The following TRIM29 variants were observed in gnomAD, a reference collection of about 807,000 sequenced individuals.
TRIM29 encodes the protein tripartite motif containing 29, also known as tripartite motif-containing protein 29.
In TRIM29, 52 loss-of-function variants were observed where a neutral mutation model predicts 57.3. That is an observed-to-expected ratio of 0.91 (90% CI 0.73 to 1.14). TRIM29 has a LOEUF of 1.14. Among genes scored for constraint, TRIM29 ranks in the 50% most tolerant of loss-of-function variants. The pLI, the probability that TRIM29 is intolerant of heterozygous loss-of-function variation, is 0.00. For missense variants in TRIM29, 753 were observed against 774.6 expected (o/e 0.97, Z 0.33); for synonymous variants, 319 against 316.9 (o/e 1.01, Z -0.07).
In TRIM29 at chr11:120,137,318, G is replaced by A. The variant is rs1185002346; in HGVS notation, c.714C>T (p.Thr238=). The A allele has an allele frequency of 6.2e-7, 1 of 1,614,130 alleles. No individual in the cohort carries two copies. Among genetic ancestry groups the A allele is most frequent in the Non-Finnish European group, 8.5e-7 (1 of 1,180,036 alleles). The change falls in exon 1 of 9, where the codon ACC becomes ACT. Residue 238 remains threonine (T), a synonymous_variant. Transcript: ENST00000341846. This position sits in a 1 kb window ranked among gnomAD's most constrained non-coding sequence, Gnocchi z 6.2. ...AAAGGTAGCAGATGCAGGTCTGGTC[G>A]GTCTGGCAGAAGAGCTCCATCGTCT... is the stretch of plus-strand genomic sequence containing the variant. The part of the protein sequence containing the change: ...HGKTMELFCQ[T]DQTCICYLCM...
chr11:120,125,961 C>T lies in TRIM29; in HGVS notation c.1135-72G>A, dbSNP rs879250325. Reference sequence around the variant, plus strand: ...TATGAGGACGCTTCTCTGCCAGGGGCTCTCACAGTGCAGCTGGGGGTCTCA... The same window carrying T: ...TATGAGGACGCTTCTCTGCCAGGGGTTCTCACAGTGCAGCTGGGGGTCTCA... On this transcript the variant is annotated intron_variant, in intron 3 of 8. Transcript: ENST00000341846. The T allele has an allele frequency of 2.1e-5, 32 of 1,489,572 alleles. No homozygotes were observed. In the East Asian group the frequency reaches 5.5e-4, roughly 25 times the overall value. The allele number at this position is 1,489,572 out of a possible 1,614,324, so 92.3% of individuals were successfully genotyped here.
At chr11:120,129,179 T>C (rs1405908310) in intron 1 of TRIM29, among the ~76,000 whole-genome samples, 2 of 152,096 alleles carry the variant, frequency 1.3e-5, no homozygotes, top group African/African-American at 4.8e-5. Context: ...CACAGACTGT[T>C]GGGGTCTGGG....
intron 1 of TRIM29, among the ~76,000 whole-genome samples, chr11:120,134,928 C>T (rs1242458173): frequency 6.6e-6 from 1 of 152,172 alleles, no homozygotes; most frequent in Admixed American, 6.5e-5. Context: ...TACGGTTTGA[C>T]GTTAACTTCT....
intron 8 of TRIM29, 24 bp from the exon 9 acceptor site, chr11:120,112,500 A>T: frequency 6.2e-7 from 1 of 1,613,556 alleles, no homozygotes; most frequent in South Asian, 1.1e-5. Context: ...AAGAGTGGTC[A>T]GCGAGGCCAG....
chr11:120,120,941 G>A (rs550638086), intron 5 of TRIM29: 121 of 515,538 alleles, frequency 2.3e-4, no homozygotes, highest in Non-Finnish European at 2.8e-4. Flanking sequence ...TCTCAGCCAC[G>A]TGAGGGTGGG....
chr11:120,137,379 C>T lies in TRIM29; in HGVS notation c.653G>A (p.Arg218Gln), dbSNP rs753345847. The T allele has an allele frequency of 4.3e-6, 7 of 1,613,234 alleles. No homozygotes were observed. Among genetic ancestry groups the T allele is most frequent in the Admixed American group, 1.7e-5 (1 of 60,012 alleles). ...FRDHQLLEPIRDFEARKCPVH... is the reference protein window; with the variant it reads ...FRDHQLLEPIQDFEARKCPVH... ...GGGACACTTGCGGGCCTCAAAGTCC[C>T]GGATGGGCTCGAGCAGCTGGTGGTC... The change falls in exon 1 of 9, where the codon CGG (arginine) becomes CAG (glutamine). Residue 218 changes from arginine (R) to glutamine (Q), a missense_variant. Arg to Gln is a conservative substitution (Grantham distance 43, BLOSUM62 1). Transcript: ENST00000341846. The surrounding 1 kb of genome is among the most constrained non-coding windows in gnomAD (Gnocchi z 6.2).
At chr11:120,128,579 G>C in intron 1 of TRIM29, 84 bp from the exon 2 acceptor site, 1 of 1,513,228 alleles carries the variant, frequency 6.6e-7, no homozygotes, top group Non-Finnish European at 8.9e-7. Context: ...TCCACTCAGG[G>C]GGCACACTCG....
At chr11:120,136,025 G>A (rs1863807122) in intron 1 of TRIM29, among the ~76,000 whole-genome samples, 1 of 152,134 alleles carries the variant, frequency 6.6e-6, no homozygotes. Context: ...ACATCCACAA[G>A]CCTGCACTTG....
At chr11:120,116,809 A>G (rs489059) in intron 7 of TRIM29, 144,735 of 237,184 alleles carry the variant, frequency 0.61, 44,884 homozygotes, top group African/African-American at 0.75. Context: ...GATAGAGAGT[A>G]TGCTGGGGTG....
At chr11:120,136,091 C>T (rs1488511229) in intron 1 of TRIM29, among the ~76,000 whole-genome samples, 1 of 152,206 alleles carries the variant, frequency 6.6e-6, no homozygotes, top group Admixed American at 6.5e-5. Flanking sequence ...CATGCAAACA[C>T]ACTTACGTAT....
chr11:120,128,875 C>CCAGCCCAGCT (rs544599643), intron 1 of TRIM29: 1 of 1,474,690 alleles, frequency 6.8e-7, no homozygotes, highest in East Asian at 2.6e-5. Context: ...GGAAGGGGAT[C>CCAGCCCAGCT]CAGCCCAGCT....
At chr11:120,128,372 C>T (rs933750501) in intron 2 of TRIM29, 28 bp downstream of exon 2, 3 of 1,605,526 alleles carry the variant, frequency 1.9e-6, no homozygotes, top group African/African-American at 1.3e-5. Context: ...GGTAAGGGAG[C>T]AGCAAGGTGA....
chr11:120,112,632 T>TTGCAG (rs1256827653), intron 8 of TRIM29, among the ~76,000 whole-genome samples, 156 bp from the exon 9 acceptor site: 7 of 152,118 alleles, frequency 4.6e-5, no homozygotes, highest in Non-Finnish European at 1.0e-4. Context: ...TTACCTACCC[T>TTGCAG]GTGATCAGGG....
Position 120,112,404 on chromosome 11 carries a change from C to G in TRIM29, c.*10G>C. ...CAGGGGTGTGGCGCCTCGTTCCTTC[C>G]GCCAGGAGCTCATGGGGCTTCGTTG... is the stretch of plus-strand genomic sequence containing the variant. On this transcript the variant is annotated 3_prime_UTR_variant, in exon 9 of 9. Coordinates refer to ENST00000341846, the MANE Select transcript of TRIM29 (RefSeq NM_012101.4). 1 of 1,613,536 alleles carries G rather than the reference C, an allele frequency of 6.2e-7. No homozygotes were observed.
At chr11:120,118,353 C>G (rs781673192) in intron 6 of TRIM29, 32 bp from the exon 7 acceptor site, 6 of 1,561,828 alleles carry the variant, frequency 3.8e-6, no homozygotes, top group African/African-American at 2.7e-5. Context: ...GTCAGGCCCC[C>G]ACAGCTGGGA....
At chr11:120,118,385 G>GGCTGTGTCCTGGTCCT in intron 6 of TRIM29, 64 bp from the exon 7 acceptor site, 1 of 1,321,838 alleles carries the variant, frequency 7.6e-7, no homozygotes, top group Non-Finnish European at 1.1e-6. Flanking sequence ...GGCAGGACCA[G>GGCTGTGTCCTGGTCCT]GACACAGCCA....
chr11:120,129,402 T>TC (rs1565319917), intron 1 of TRIM29, among the ~76,000 whole-genome samples: 1 of 152,172 alleles, frequency 6.6e-6, no homozygotes, highest in South Asian at 2.1e-4. Context: ...GCATGGACAA[T>TC]AGGTGGATGA....
intron 1 of TRIM29, among the ~76,000 whole-genome samples, chr11:120,131,930 A>G (rs1473260484): frequency 6.7e-6 from 1 of 150,338 alleles, no homozygotes. Flanking sequence ...CTGTGGAGGT[A>G]AGTGGCATTA....
chr11:120,116,255 C>T (rs1243295787), intron 7 of TRIM29: 1 of 152,310 alleles, frequency 6.6e-6, no homozygotes, highest in Non-Finnish European at 1.5e-5. Context: ...ACTCCCTGCG[C>T]CTCAGCCCAG....
Sources: allele counts gnomAD v4.1 joint callset (sites outside exome capture counted in the v4.1 genomes callset), GRCh38; gene constraint gnomAD v4.1.1; non-coding constraint Gnocchi (gnomAD v3.1); transcripts MANE v1.5; gene names NCBI Gene and HGNC (gene_info 2026-07-23, HGNC 2026-07-21).